Variants in EML6 observed in about 807,000 individuals in gnomAD.
EML6 encodes echinoderm microtubule-associated protein-like 6.
Under a neutral mutation model 240.1 loss-of-function variants are expected in EML6, and 154 were observed. The ratio of observed to expected loss-of-function variants is 0.64; its 90% CI spans 0.56 to 0.73. The LOEUF (loss-of-function observed/expected upper bound fraction) is 0.73, where lower values mean the gene tolerates loss of function less well. EML6 is among the 30% of genes least tolerant of loss of function. EML6 has a pLI of 0.00. For missense variants in EML6, 2,964 were observed against 2,474.6 expected, an observed-to-expected ratio of 1.20 and a Z score of -4.20; for synonymous variants, 1,148 against 899.0, an observed-to-expected ratio of 1.28 and a Z score of -4.95.
intron 24 of EML6, 148 bp downstream of exon 24, chr2:54,903,650 A>G: frequency 1.4e-6 from 1 of 696,798 alleles, no homozygotes; most frequent in Non-Finnish European, 2.3e-6. Flanking sequence ...TTTACAACCC[A>G]GAGGCAGCTG....
intron 11 of EML6, among the ~76,000 whole-genome samples, chr2:54,857,204 G>T (rs1235661203): frequency 1.3e-5 from 2 of 152,210 alleles, no homozygotes; most frequent in Non-Finnish European, 2.9e-5. Flanking sequence ...GGGCATCCGG[G>T]TGGACGTGGC....
At chr2:54,743,861 A>G (rs944577807) in intron 2 of EML6, among the ~76,000 whole-genome samples, 1 of 152,030 alleles carries the variant, frequency 6.6e-6, no homozygotes, top group African/African-American at 2.4e-5. Flanking sequence ...TTCTTACTAT[A>G]CTCCCCCAAA....
Position 54,970,395 on chromosome 2 carries a change from G to A in EML6, c.*300G>A, listed in dbSNP as rs1359262387. ...CAAAGAAATCCTATCTGATAATGTA[G>A]CCCGCTGACGAATTTTGAAGCCTCG... On this transcript the variant is annotated 3_prime_UTR_variant, in exon 42 of 42. Transcript: ENST00000356458. 3 of 359,040 alleles carry A rather than the reference G, an allele frequency of 8.4e-6. No individual in the cohort carries two copies. The highest frequency in any genetic ancestry group is 1.5e-5 in the Non-Finnish European group (3 of 195,482). The allele number at this position is 359,040 out of a possible 1,614,324, so 22.2% of individuals were successfully genotyped here. A position where few individuals can be genotyped will look rare whatever the true frequency, so the allele number is the denominator to read the frequency against.
At chr2:54,739,206 C>T (rs1295454680) in intron 2 of EML6, among the ~76,000 whole-genome samples, 3 of 152,098 alleles carry the variant, frequency 2.0e-5, no homozygotes, top group Non-Finnish European at 4.4e-5. Flanking sequence ...TCTTTATTAA[C>T]ACATACAATT....
At chr2:54,952,097 G>C (rs1482577179) in intron 30 of EML6, among the ~76,000 whole-genome samples, 2 of 152,168 alleles carry the variant, frequency 1.3e-5, no homozygotes, top group African/African-American at 4.8e-5. Flanking sequence ...GCCCCCAAGT[G>C]GATTGGCATT....
chr2:54,870,863 C>T (rs1158498214), intron 15 of EML6, among the ~76,000 whole-genome samples: 1 of 152,120 alleles, frequency 6.6e-6, no homozygotes, highest in African/African-American at 2.4e-5. Context: ...CTTTATCTCC[C>T]ATTTTTCCTT....
intron 26 of EML6, among the ~76,000 whole-genome samples, chr2:54,923,044 C>G (rs1056603295): frequency 6.7e-6 from 1 of 149,744 alleles, no homozygotes; most frequent in Non-Finnish European, 1.5e-5. Flanking sequence ...CGGGTTCAAC[C>G]GATTCTCCTG....
At chr2:54,843,966 G>T (rs1238537643) in intron 7 of EML6, 81 bp from the exon 8 acceptor site, 12 of 309,162 alleles carry the variant, frequency 3.9e-5, no homozygotes, top group African/African-American at 6.2e-5. Flanking sequence ...TTAGGGTTTT[G>T]TGTGTGTGTG....
At chr2:54,824,638 T>C (rs1223812132) in intron 5 of EML6, among the ~76,000 whole-genome samples, 1 of 152,162 alleles carries the variant, frequency 6.6e-6, no homozygotes, top group Non-Finnish European at 1.5e-5. Context: ...AAATTGCAAT[T>C]ATCTGAAACG....
chr2:54,827,509 A>C (rs891168888), intron 5 of EML6, 57 bp from the exon 6 acceptor site: 16 of 1,368,034 alleles, frequency 1.2e-5, no homozygotes, highest in Non-Finnish European at 1.3e-5. Context: ...AATAAACACC[A>C]ATGCAATACA....
chr2:54,831,220 G>A (rs552596705), intron 7 of EML6, among the ~76,000 whole-genome samples: 192 of 152,256 alleles, frequency 1.3e-3, no homozygotes, highest in African/African-American at 4.2e-3. Flanking sequence ...CTGCCTAAAC[G>A]TTGGGGAGTA....
chr2:54,869,552 G>GGGAGAC (rs771271175), intron 15 of EML6, among the ~76,000 whole-genome samples, 185 bp downstream of exon 15: 1 of 152,150 alleles, frequency 6.6e-6, no homozygotes, highest in Non-Finnish European at 1.5e-5. Context: ...TAGCATTATT[G>GGGAGAC]GGAGACCTCT....
In EML6 at chr2:54,879,665, G is replaced by A. The variant is rs574981468; in HGVS notation, c.2438+25G>A. On this transcript the variant is annotated intron_variant, in intron 17 of 41. Coordinates refer to ENST00000356458, the MANE Select transcript of EML6 (RefSeq NM_001039753.4). ...GGTAAGAAGCTGCCGGGATCTTACGGTATCCTGCTGATACCACGGTTCAGT... is the reference window on the plus strand; with the variant it reads ...GGTAAGAAGCTGCCGGGATCTTACGATATCCTGCTGATACCACGGTTCAGT... 3 of 1,333,818 alleles carry A rather than the reference G, an allele frequency of 2.2e-6. No homozygotes were observed. In the Admixed American group the frequency reaches 6.0e-5, roughly 27 times the overall value. 82.6% of individuals were successfully genotyped at this position (1,333,818 alleles called of 1,614,324 possible). A position where few individuals can be genotyped will look rare whatever the true frequency, so the allele number is the denominator to read the frequency against.
At chr2:54,911,064 T>G in intron 25 of EML6, 22 bp downstream of exon 25, 1 of 1,257,860 alleles carries the variant, frequency 8.0e-7, no homozygotes, top group Non-Finnish European at 1.1e-6. Flanking sequence ...ACACAAAGAT[T>G]TTTAAAGATA....
At chr2:54,783,039 C>G (rs1452936813) in intron 2 of EML6, among the ~76,000 whole-genome samples, 1 of 152,186 alleles carries the variant, frequency 6.6e-6, no homozygotes, top group Non-Finnish European at 1.5e-5. Context: ...TAGCTCTGTC[C>G]TTGTGGAATA....
chr2:54,876,403 C>A (rs1479259192), intron 16 of EML6, among the ~76,000 whole-genome samples: 1 of 152,188 alleles, frequency 6.6e-6, no homozygotes, highest in African/African-American at 2.4e-5. Flanking sequence ...TTGCTACCCA[C>A]AATCAGAATA....
In EML6 at chr2:54,895,046, A is replaced by G; in HGVS notation, c.2854+20A>G. 6.7e-7 allele frequency: 1 copy of G among 1,502,808 alleles called. No homozygotes were observed. The highest frequency in any genetic ancestry group is 9.1e-7 in the Non-Finnish European group (1 of 1,102,432). The allele number at this position is 1,502,808 out of a possible 1,614,324, so 93.1% of individuals were successfully genotyped here. On this transcript the variant is annotated intron_variant, in intron 20 of 41. Transcript: ENST00000356458. The stretch of plus-strand genomic sequence containing the variant: ...CAAAAGGTGCCACTCCCAAACATGT[A>G]ATAGAGATCTTTGTATTCATAGGGA...
chr2:54,928,278 G>A, intron 26 of EML6, 35 bp from the exon 27 acceptor site: 1 of 1,490,932 alleles, frequency 6.7e-7, no homozygotes, highest in Non-Finnish European at 9.2e-7. Context: ...AGGAATAACA[G>A]TGGCTGGGGT....
intron 2 of EML6, among the ~76,000 whole-genome samples, chr2:54,742,789 G>A (rs916506841): frequency 2.6e-5 from 4 of 152,166 alleles, no homozygotes; most frequent in Admixed American, 2.0e-4. Context: ...TGCAAAGTGA[G>A]TTGAAGAATG....
Sources: gnomAD v4.1 joint callset for allele counts (sites outside exome capture counted in the v4.1 genomes callset) on GRCh38, gnomAD v4.1.1 for gene constraint, MANE v1.5 for transcripts, NCBI Gene and HGNC (gene_info 2026-07-23, HGNC 2026-07-21) for gene names.